Variants in SRL observed in about 807,000 individuals in gnomAD.
SRL encodes sarcalumenin.
SRL carries 23 observed loss-of-function variants against 39.5 expected under a neutral mutation model. That is an observed-to-expected ratio of 0.58 (90% CI 0.42 to 0.82). SRL has a LOEUF of 0.82. Among genes scored for constraint, SRL ranks in the 40% least tolerant of loss-of-function variants. The pLI, the probability that SRL is intolerant of heterozygous loss-of-function variation, is 0.00. For missense variants in SRL, 592 were observed against 607.8 expected (o/e 0.97, Z 0.27); for synonymous variants, 272 against 237.4 (o/e 1.15, Z -1.34).
Position 4,192,009 on chromosome 16 carries a change from G to T in SRL, c.*144C>A, listed in dbSNP as rs765235314. The T allele has an allele frequency of 6.7e-6, 6 of 889,616 alleles. No homozygotes were observed. The highest frequency in any genetic ancestry group is 1.0e-5 in the Non-Finnish European group (6 of 579,306). The allele number at this position is 889,616 out of a possible 1,614,324, so 55.1% of individuals were successfully genotyped here. ...CTCCCTAGACCCACACACCTGCCCCGACCCCTGGCCTCAATGAACTCCCAA... is the reference window on the plus strand; with the variant it reads ...CTCCCTAGACCCACACACCTGCCCCTACCCCTGGCCTCAATGAACTCCCAA... On this transcript the variant is annotated 3_prime_UTR_variant, in exon 6 of 6. Transcript: ENST00000399609. This position sits in a 1 kb window ranked among gnomAD's most constrained non-coding sequence, Gnocchi z 4.0.
At chr16:4,199,634 G>A (rs1227684945) in intron 3 of SRL, among the ~76,000 whole-genome samples, 1 of 149,040 alleles carries the variant, frequency 6.7e-6, no homozygotes, top group African/African-American at 2.5e-5. Context: ...GCCTCCCAAA[G>A]TGCTTCTATT....
At chr16:4,206,401 C>G (rs1298876826) in intron 1 of SRL, among the ~76,000 whole-genome samples, 1 of 152,226 alleles carries the variant, frequency 6.6e-6, no homozygotes, top group Admixed American at 6.5e-5. Flanking sequence ...ACCCGCTGGC[C>G]CCGGGGCACC....
At chr16:4,203,567 G>C (rs1187979774) in intron 2 of SRL, among the ~76,000 whole-genome samples, 1 of 152,086 alleles carries the variant, frequency 6.6e-6, no homozygotes, top group Non-Finnish European at 1.5e-5. Context: ...TGTCACCCAG[G>C]CTGGAGTGCA....
chr16:4,210,133 G>T (rs1301632367), intron 1 of SRL, among the ~76,000 whole-genome samples: 5 of 152,196 alleles, frequency 3.3e-5, no homozygotes, highest in Admixed American at 3.3e-4. Context: ...GTACCAAAAC[G>T]AATTCCTGGT....
chr16:4,227,051 A>AATGGATGGATGGATGG (rs543919384), intron 1 of SRL, among the ~76,000 whole-genome samples: 712 of 53,310 alleles, frequency 0.013, 5 homozygotes, highest in African/African-American at 0.032. Flanking sequence ...TGGATGGATG[A>AATGGATGGATGGATGG]ATGGATGGAT....
intron 1 of SRL, among the ~76,000 whole-genome samples, chr16:4,230,544 C>T (rs1411793045): frequency 6.6e-6 from 1 of 150,912 alleles, no homozygotes; most frequent in Non-Finnish European, 1.5e-5. Flanking sequence ...CTATGACTGG[C>T]TAATTTTTTT....
chr16:4,220,836 A>T (rs935483300), intron 1 of SRL, among the ~76,000 whole-genome samples: 2 of 150,978 alleles, frequency 1.3e-5, no homozygotes, highest in Non-Finnish European at 2.9e-5. Flanking sequence ...TTAAAAAAAA[A>T]TTAGCTGGGC....
intron 3 of SRL, among the ~76,000 whole-genome samples, chr16:4,202,386 G>A (rs2052247809): frequency 6.6e-6 from 1 of 152,162 alleles, no homozygotes; most frequent in South Asian, 2.1e-4. Context: ...GAGGTCCGCA[G>A]ACAGAGACCA....
intron 2 of SRL, among the ~76,000 whole-genome samples, chr16:4,203,505 T>A (rs1254619641): frequency 6.6e-6 from 1 of 152,132 alleles, no homozygotes. Flanking sequence ...CTGAACTGTT[T>A]GGTTATTTTA....
At chr16:4,206,496 G>A (rs964187384) in intron 1 of SRL, among the ~76,000 whole-genome samples, 1 of 152,134 alleles carries the variant, frequency 6.6e-6, no homozygotes, top group African/African-American at 2.4e-5. Flanking sequence ...GGAGGTTCTG[G>A]GGCCCCTGAC....
Position 4,195,517 on chromosome 16 carries a change from A to G in SRL, c.610+36T>C, listed in dbSNP as rs552671419. 2.5e-4 allele frequency: 393 copies of G among 1,589,218 alleles called. 7 individuals are homozygous for G. In the South Asian group the frequency reaches 4.2e-3, roughly 17 times the overall value. ...CTGGCCAAAAATAATTTTTTGAAAC[A>G]GAGCTTACACTGTTCAGAAATGAGG... is the stretch of plus-strand genomic sequence containing the variant. On this transcript the variant is annotated intron_variant, in intron 5 of 5. Coordinates refer to ENST00000399609, the MANE Select transcript of SRL (RefSeq NM_001098814.2).
At chr16:4,197,306 G>A (rs2052162411) in intron 4 of SRL, among the ~76,000 whole-genome samples, 1 of 151,708 alleles carries the variant, frequency 6.6e-6, no homozygotes. Flanking sequence ...CTGACCTCAG[G>A]TCATCCTCCT....
chr16:4,237,497 T>C (rs923507551), intron 1 of SRL, among the ~76,000 whole-genome samples: 5 of 152,072 alleles, frequency 3.3e-5, no homozygotes, highest in African/African-American at 9.7e-5. Flanking sequence ...TCCCCCTCCC[T>C]ACTCTTCCTA....
intron 4 of SRL, 29 bp downstream of exon 4, chr16:4,197,770 C>T: frequency 6.8e-7 from 1 of 1,460,660 alleles, no homozygotes; most frequent in Non-Finnish European, 9.6e-7. Flanking sequence ...ACATTCAAAT[C>T]CCAACAATCA....
intron 1 of SRL, among the ~76,000 whole-genome samples, chr16:4,218,068 C>T (rs1037005162): frequency 1.3e-5 from 2 of 152,112 alleles, no homozygotes; most frequent in Admixed American, 6.5e-5. Flanking sequence ...CTCCCAGGGG[C>T]CAGGAGCTCG....
At chr16:4,233,449 C>T (rs1005885042) in intron 1 of SRL, among the ~76,000 whole-genome samples, 3 of 152,164 alleles carry the variant, frequency 2.0e-5, no homozygotes, top group Admixed American at 2.0e-4. Flanking sequence ...CCAAGCTGAC[C>T]GTCCAGCAAT....
rs1237775177 is a variant in SRL, at chr16:4,213,404, C to CTTTTTCTTTTTCT, written c.62-8771_62-8770insAGAAAAAGAAAAA. On this transcript the variant is annotated intron_variant, in intron 1 of 5. Coordinates refer to ENST00000399609, the MANE Select transcript of SRL (RefSeq NM_001098814.2). ...CATCTTTTTTTTTCTTTTTCTTTTT[C>CTTTTTCTTTTTCT]TTTTTTTTTTTTTTTTTTTTTTTTT... Among the ~76,000 whole-genome samples, 63 of 69,592 alleles carry CTTTTTCTTTTTCT rather than the reference C, an allele frequency of 9.1e-4. 1 individual carries two copies. Among genetic ancestry groups the CTTTTTCTTTTTCT allele is most frequent in the African/African-American group, 3.1e-3 (38 of 12,204 alleles). 45.7% of individuals were successfully genotyped at this position (69,592 alleles called of 152,430 possible).
intron 1 of SRL, among the ~76,000 whole-genome samples, chr16:4,218,320 C>T (rs1322796782): frequency 1.3e-5 from 2 of 152,170 alleles, no homozygotes; most frequent in Non-Finnish European, 1.5e-5. Context: ...GAAGCCCTTT[C>T]CGAAGGCAGA....
rs564419624 is a variant in SRL, at chr16:4,219,612, C to A, written c.62-14978G>T. Among the ~76,000 whole-genome samples, 5 of 152,248 alleles carry A rather than the reference C, an allele frequency of 3.3e-5. No individual in the cohort carries two copies. The East Asian group carries it at 9.7e-4, about 29-fold the overall frequency. On this transcript the variant is annotated intron_variant, in intron 1 of 5. Coordinates refer to ENST00000399609, the MANE Select transcript of SRL (RefSeq NM_001098814.2). ...AGCTGGGACTACAGGTGCATGCCAC[C>A]ATGCCTAGGTAATATTTTTTATATT...
Sources: allele counts gnomAD v4.1 joint callset (sites outside exome capture counted in the v4.1 genomes callset), GRCh38; gene constraint gnomAD v4.1.1; non-coding constraint Gnocchi (gnomAD v3.1); transcripts MANE v1.5; gene names NCBI Gene and HGNC (gene_info 2026-07-23, HGNC 2026-07-21).